The following L2HGDH variants were observed in gnomAD, a reference collection of about 807,000 sequenced individuals.
The protein encoded by L2HGDH is L-2-hydroxyglutarate dehydrogenase, mitochondrial.
A neutral mutation model predicts 51.5 loss-of-function variants in L2HGDH; 34 were observed. The ratio of observed to expected loss-of-function variants is 0.66; its 90% CI spans 0.50 to 0.88. The LOEUF (loss-of-function observed/expected upper bound fraction) is 0.88, where lower values mean the gene tolerates loss of function less well. Ranked by LOEUF, L2HGDH falls within the 40% of genes least tolerant of loss-of-function variation. L2HGDH has a pLI of 0.00. For missense variants in L2HGDH, 558 were observed against 571.9 expected, an observed-to-expected ratio of 0.98 and a Z score of 0.25; for synonymous variants, 198 against 197.9, an observed-to-expected ratio of 1.00 and a Z score of -0.01.
rs189240073 is a variant in L2HGDH at position 50,309,636 on chromosome 14, G to C, written c.140+2375C>G. Among the ~76,000 whole-genome samples, 286 of 150,380 alleles carry C rather than the reference G, an allele frequency of 1.9e-3. 1 individual carries two copies. Among genetic ancestry groups the C allele is most frequent in the African/African-American group, 6.1e-3 (252 of 41,066 alleles). ...GGAGAGGAAGGTGTGAATATAAAGA[G>C]ATAGGTAACACAACAGATAACCTTG... is the stretch of plus-strand genomic sequence containing the variant. On this transcript the variant is annotated intron_variant, in intron 1 of 9. Coordinates refer to ENST00000267436, the MANE Select transcript of L2HGDH (RefSeq NM_024884.3).
intron 9 of L2HGDH, among the ~76,000 whole-genome samples, chr14:50,264,606 C>T (rs930040239): frequency 6.6e-6 from 1 of 152,138 alleles, no homozygotes; most frequent in Non-Finnish European, 1.5e-5. Context: ...AGGCTATCAT[C>T]CTTAGCAAAC....
intron 4 of L2HGDH, among the ~76,000 whole-genome samples, chr14:50,289,205 C>T (rs969257101): frequency 6.6e-6 from 1 of 152,052 alleles, no homozygotes. Context: ...CAGTTATTCA[C>T]AACCCTAGTT....
At chr14:50,256,042 T>C (rs1888649320) in intron 9 of L2HGDH, among the ~76,000 whole-genome samples, 1 of 152,084 alleles carries the variant, frequency 6.6e-6, no homozygotes, top group Admixed American at 6.6e-5. Flanking sequence ...CAAGAACAGC[T>C]GAATGTGTAA....
intron 9 of L2HGDH, among the ~76,000 whole-genome samples, chr14:50,254,086 C>A (rs1341535719): frequency 6.6e-6 from 1 of 151,604 alleles, no homozygotes; most frequent in South Asian, 2.1e-4. Context: ...TACCTCCCCC[C>A]AAAAATAGAA....
Position 50,282,176 on chromosome 14 carries a change from A to G in L2HGDH, c.703+1695T>C, listed in dbSNP as rs1208266150. Among the ~76,000 whole-genome samples the G allele has an allele frequency of 3.9e-5, 6 of 152,062 alleles. No homozygotes were observed. The South Asian group carries it at 1.0e-3, about 26-fold the overall frequency. On this transcript the variant is annotated intron_variant, in intron 5 of 9. Transcript: ENST00000267436. ...TTAATTGTCATCACTTGGGGGCGTG[A>G]TGGTACCGGCATCTAGTGGACAGAA...
chr14:50,306,822 T>A (rs12880166), intron 1 of L2HGDH, among the ~76,000 whole-genome samples: 86,288 of 150,966 alleles, frequency 0.57, 24,665 homozygotes, highest in East Asian at 0.66. Context: ...AATTTTTTTT[T>A]AAAAAATTTT....
chr14:50,258,073 T>TAAAAAAAAA (rs3072729), intron 9 of L2HGDH, among the ~76,000 whole-genome samples: 1 of 141,670 alleles, frequency 7.1e-6, no homozygotes. Context: ...GTCAAAAAGT[T>TAAAAAAAAA]AAAAAAAAAA....
intron 9 of L2HGDH, among the ~76,000 whole-genome samples, chr14:50,247,597 G>T (rs1888081127): frequency 6.6e-6 from 1 of 152,084 alleles, no homozygotes; most frequent in African/African-American, 2.4e-5. Context: ...TTTATAGAAT[G>T]AATTTATTAT....
At chr14:50,273,377 G>T (rs1466496140) in intron 6 of L2HGDH, among the ~76,000 whole-genome samples, 1 of 152,098 alleles carries the variant, frequency 6.6e-6, no homozygotes, top group Non-Finnish European at 1.5e-5. Context: ...TCCATAAATG[G>T]TGCTGGGAAA....
At position 50,247,011 on chromosome 14, in the gene L2HGDH, T is replaced by C; in HGVS notation, c.*47A>G. The C allele has an allele frequency of 1.3e-6, 2 of 1,589,228 alleles. No homozygotes were observed. Among genetic ancestry groups the C allele is most frequent in the Non-Finnish European group, 1.7e-6 (2 of 1,164,384 alleles). ...TTAAAGAATGCAATTAGTACATTCT[T>C]GTTGCTGACATGAAGATTACAGTGC... On this transcript the variant is annotated 3_prime_UTR_variant, in exon 10 of 10. Transcript: ENST00000267436.
chr14:50,244,331 C>A lies in L2HGDH; in HGVS notation c.*2727G>T. ...AAAAGTGTTCCTATTTCTCCACATC[C>A]TCTCCAGCACCTGTTGTTTCCTTTT... On this transcript the variant is annotated 3_prime_UTR_variant, in exon 10 of 10. Coordinates refer to ENST00000267436, the MANE Select transcript of L2HGDH (RefSeq NM_024884.3). 1.1e-6 allele frequency: 1 copy of A among 951,878 alleles called. No individual in the cohort carries two copies. Among genetic ancestry groups the A allele is most frequent in the Non-Finnish European group, 1.3e-6 (1 of 799,516 alleles). 59.0% of individuals were successfully genotyped at this position (951,878 alleles called of 1,614,324 possible).
Position 50,269,148 on chromosome 14 carries a change from A to G in L2HGDH, c.906+15T>C, listed in dbSNP as rs575009708. The G allele has an allele frequency of 3.1e-6, 5 of 1,611,896 alleles. No homozygotes were observed. In the South Asian group the frequency reaches 3.3e-5, roughly 11 times the overall value. The stretch of plus-strand genomic sequence containing the variant: ...TGCTTGAAAAAAATGAGAAGTAGGA[A>G]GCATCATTACCTACCGGATAAATAT... On this transcript the variant is annotated intron_variant, in intron 7 of 9. Transcript: ENST00000267436.
intron 4 of L2HGDH, among the ~76,000 whole-genome samples, chr14:50,284,644 A>G (rs1007573700): frequency 6.6e-6 from 1 of 152,230 alleles, no homozygotes; most frequent in Non-Finnish European, 1.5e-5. Flanking sequence ...GGATAAGAGG[A>G]GAATTTCACA....
chr14:50,278,186 T>C (rs1268693753), intron 6 of L2HGDH, among the ~76,000 whole-genome samples: 2 of 152,212 alleles, frequency 1.3e-5, no homozygotes, highest in East Asian at 1.9e-4. Context: ...ACAACCTGCA[T>C]ACTCCCTCTT....
At chr14:50,263,215 G>C (rs1159542380) in intron 9 of L2HGDH, among the ~76,000 whole-genome samples, 1 of 152,180 alleles carries the variant, frequency 6.6e-6, no homozygotes, top group African/African-American at 2.4e-5. Context: ...AACCAGATTT[G>C]ACCAGTCTAT....
At chr14:50,267,307 C>T (rs1595086670) in intron 8 of L2HGDH, among the ~76,000 whole-genome samples, 1 of 151,938 alleles carries the variant, frequency 6.6e-6, no homozygotes, top group Non-Finnish European at 1.5e-5. Flanking sequence ...CTCAGCCTCC[C>T]AAGTAGCTGG....
At chr14:50,277,028 T>C (rs1360949454) in intron 6 of L2HGDH, among the ~76,000 whole-genome samples, 1 of 152,172 alleles carries the variant, frequency 6.6e-6, no homozygotes, top group African/African-American at 2.4e-5. Flanking sequence ...CATTGCCAAA[T>C]GTTCCCCGAG....
intron 8 of L2HGDH, 88 bp downstream of exon 8, chr14:50,267,664 AC>A (rs1317071365): frequency 1.2e-5 from 12 of 995,420 alleles, no homozygotes; most frequent in African/African-American, 4.9e-5. Flanking sequence ...ATGGGGATTT[AC>A]CCAATAAGTA....
intron 9 of L2HGDH, among the ~76,000 whole-genome samples, chr14:50,263,165 C>T (rs1889133420): frequency 6.6e-6 from 1 of 152,192 alleles, no homozygotes. Flanking sequence ...ACTATGCTCA[C>T]CTCGTTTGTT....
Sources: allele counts gnomAD v4.1 joint callset (sites outside exome capture counted in the v4.1 genomes callset), GRCh38; gene constraint gnomAD v4.1.1; transcripts MANE v1.5; gene names NCBI Gene and HGNC (gene_info 2026-07-23, HGNC 2026-07-21).